The following CNTNAP3B variants were observed in gnomAD, a reference collection of about 807,000 sequenced individuals.
CNTNAP3B encodes contactin associated protein family member 3B.
In CNTNAP3B, 25 loss-of-function variants were observed where a neutral mutation model predicts 108.9. That is an observed-to-expected ratio of 0.23 (90% CI 0.17 to 0.32). The LOEUF is 0.32. CNTNAP3B is among the 10% of genes least tolerant of loss of function. The pLI is 1.00. For missense variants in CNTNAP3B, 252 were observed against 1,210.4 expected (o/e 0.21, Z 11.75); for synonymous variants, 103 against 473.4 (o/e 0.22, Z 10.16).
At position 42,112,168 on chromosome 9, in the gene CNTNAP3B, G is replaced by A. The variant is rs191493827; in HGVS notation, c.86-7429C>T. Among the ~76,000 whole-genome samples, 7 of 139,954 alleles carry A rather than the reference G, an allele frequency of 5.0e-5. 1 individual carries two copies. Among genetic ancestry groups the A allele is most frequent in the African/African-American group, 1.4e-4 (5 of 35,446 alleles). 91.8% of individuals were successfully genotyped at this position (139,954 alleles called of 152,430 possible). A position where few individuals can be genotyped will look rare whatever the true frequency, so the allele number is the denominator to read the frequency against. On this transcript the variant is annotated intron_variant, in intron 1 of 23. Coordinates refer to ENST00000377561, the MANE Select transcript of CNTNAP3B (RefSeq NM_001201380.3). ...ATGCATGCACCAATGCTCCTTGACC[G>A]CTCACCCGATGACATTGCAGCCCCT... is the stretch of plus-strand genomic sequence containing the variant.
Position 42,116,884 on chromosome 9 carries a change from G to C in CNTNAP3B, c.85+12126C>G, listed in dbSNP as rs1446279176. On this transcript the variant is annotated intron_variant, in intron 1 of 23. Coordinates refer to ENST00000377561, the MANE Select transcript of CNTNAP3B (RefSeq NM_001201380.3). ...AGCAGGGGTTGGAATCCTAGTCTCT[G>C]ATAAAACAGACTTTAAACCAACAAA... Among the ~76,000 whole-genome samples, 3 of 137,772 alleles carry C rather than the reference G, an allele frequency of 2.2e-5. 1 individual carries two copies. Among genetic ancestry groups the C allele is most frequent in the African/African-American group, 8.7e-5 (3 of 34,392 alleles). 90.4% of individuals were successfully genotyped at this position (137,772 alleles called of 152,430 possible). A position where few individuals can be genotyped will look rare whatever the true frequency, so the allele number is the denominator to read the frequency against.
rs71288160 is a variant in CNTNAP3B at position 41,977,786 on chromosome 9, A to ATTTTT, written c.1478-7546_1478-7542dup. The stretch of plus-strand genomic sequence containing the variant: ...AGGCGCCCACCACCATGCCCAGCTA[A>ATTTTT]TTTTTTTTTTTTTTTTTTGTATTTT... On this transcript the variant is annotated intron_variant, in intron 9 of 23. Transcript: ENST00000377561. 9.9e-5 allele frequency among the ~76,000 whole-genome samples: 9 copies of ATTTTT among 90,532 alleles called. No individual in the cohort carries two copies. The South Asian group carries it at 1.2e-3, about 12-fold the overall frequency. The allele number at this position is 90,532 out of a possible 152,430, so 59.4% of individuals were successfully genotyped here.
At chr9:42,054,821 CTGT>C (rs1332543541) in intron 3 of CNTNAP3B, among the ~76,000 whole-genome samples, 4 of 150,808 alleles carry the variant, frequency 2.7e-5, no homozygotes, top group Non-Finnish European at 4.4e-5. Flanking sequence ...TTTGTAGCCG[CTGT>C]TGTTGTTTTT....
chr9:42,112,746 C>A (rs2118717956), intron 1 of CNTNAP3B, among the ~76,000 whole-genome samples: 1 of 137,054 alleles, frequency 7.3e-6, no homozygotes, highest in South Asian at 2.4e-4. Flanking sequence ...TGACTTACAG[C>A]ACTACAAATA....
At chr9:41,928,472 T>C (rs1203008289) in intron 15 of CNTNAP3B, among the ~76,000 whole-genome samples, 1 of 151,928 alleles carries the variant, frequency 6.6e-6, no homozygotes, top group African/African-American at 2.4e-5. Flanking sequence ...ATAGTGATGT[T>C]GTGTTCTCTT....
At chr9:41,972,936 CTTTT>C (rs1212724871) in intron 9 of CNTNAP3B, among the ~76,000 whole-genome samples, 1 of 47,794 alleles carries the variant, frequency 2.1e-5, no homozygotes, top group Non-Finnish European at 4.4e-5. Flanking sequence ...CTTAGGTTAT[CTTTT>C]TTTTTTTTTT....
intron 13 of CNTNAP3B, among the ~76,000 whole-genome samples, chr9:41,947,490 A>G (rs1433682814): frequency 4.1e-4 from 63 of 152,324 alleles, no homozygotes; most frequent in African/African-American, 1.5e-3. Flanking sequence ...ATGAAAAACT[A>G]AATGAAAATG....
At chr9:42,126,127 C>CTT (rs1487905991) in intron 1 of CNTNAP3B, among the ~76,000 whole-genome samples, 1 of 132,898 alleles carries the variant, frequency 7.5e-6, no homozygotes, top group Non-Finnish European at 1.6e-5. Context: ...CTATAGTAGG[C>CTT]TTACCCTTCT....
At position 41,942,542 on chromosome 9, in the gene CNTNAP3B, C is replaced by T. The variant is rs1369158446; in HGVS notation, c.2081-4142G>A. On this transcript the variant is annotated intron_variant, in intron 13 of 23. Transcript: ENST00000377561. ...GGGAGAATGGCGTGAACCCGGGAGA[C>T]GGAGCTTGCAGTCAGCTGAGATGGC... Among the ~76,000 whole-genome samples the T allele has an allele frequency of 7.3e-5, 11 of 150,240 alleles. No individual in the cohort carries two copies. In the South Asian group the frequency reaches 1.5e-3, roughly 20 times the overall value.
At chr9:42,118,722 G>C (rs1828381705) in intron 1 of CNTNAP3B, among the ~76,000 whole-genome samples, 1 of 114,976 alleles carries the variant, frequency 8.7e-6, no homozygotes, top group Admixed American at 9.1e-5. Context: ...ATTAGGAAAA[G>C]AGGAAGTCAA....
Position 42,089,167 on chromosome 9 carries a change from G to A in CNTNAP3B, c.197-12105C>T, listed in dbSNP as rs1284521783. On this transcript the variant is annotated intron_variant, in intron 2 of 23. Transcript: ENST00000377561. ...AGGGAAAGGGAAAAAGGGTGAAAGG[G>A]GGAAAGGAGAAAGAAGGGGAAAGAA... Among the ~76,000 whole-genome samples, 33 of 105,600 alleles carry A rather than the reference G, an allele frequency of 3.1e-4. 2 individuals are homozygous for A. Among genetic ancestry groups the A allele is most frequent in the African/African-American group, 1.2e-3 (31 of 25,646 alleles). The allele number at this position is 105,600 out of a possible 152,430, so 69.3% of individuals were successfully genotyped here.
intron 15 of CNTNAP3B, among the ~76,000 whole-genome samples, chr9:41,928,327 G>A (rs1463523214): frequency 2.0e-5 from 3 of 152,150 alleles, no homozygotes; most frequent in African/African-American, 4.8e-5. Context: ...CAATCCATTG[G>A]CCCAGGTGGA....
At chr9:41,942,833 T>C (rs548790083) in intron 13 of CNTNAP3B, among the ~76,000 whole-genome samples, 10 of 151,946 alleles carry the variant, frequency 6.6e-5, no homozygotes, top group African/African-American at 1.9e-4. Context: ...TTTTGGCCTC[T>C]GACACAACAG....
chr9:41,956,317 T>A (rs1002573880), intron 12 of CNTNAP3B, among the ~76,000 whole-genome samples: 1 of 151,400 alleles, frequency 6.6e-6, no homozygotes, highest in African/African-American at 2.4e-5. Flanking sequence ...ACCCGGGAGG[T>A]GGAGGTTGCA....
At chr9:42,094,771 G>A (rs1564194258) in intron 2 of CNTNAP3B, among the ~76,000 whole-genome samples, 1 of 115,904 alleles carries the variant, frequency 8.6e-6, no homozygotes, top group African/African-American at 3.3e-5. Context: ...AGGGAAGACA[G>A]AGAAAGAAAA....
intron 13 of CNTNAP3B, among the ~76,000 whole-genome samples, chr9:41,943,343 T>A (rs1587128962): frequency 7.2e-6 from 1 of 138,608 alleles, no homozygotes. Flanking sequence ...TGTTGGACAA[T>A]AATTTTTTTT....
chr9:41,934,102 T>TATATATATATATATATATATATACAC (rs1824068141), intron 14 of CNTNAP3B, among the ~76,000 whole-genome samples: 2 of 129,700 alleles, frequency 1.5e-5, no homozygotes, highest in African/African-American at 6.3e-5. Context: ...ATTTGTTACA[T>TATATATATATATATATATATATACAC]ATATATATAT....
chr9:42,109,467 A>T (rs1828146042), intron 1 of CNTNAP3B, among the ~76,000 whole-genome samples: 1 of 147,878 alleles, frequency 6.8e-6, no homozygotes, highest in African/African-American at 2.6e-5. Context: ...TGCATGGATA[A>T]TACATGGACA....
chr9:41,934,509 C>T (rs1452134669), intron 14 of CNTNAP3B, among the ~76,000 whole-genome samples: 19 of 152,244 alleles, frequency 1.2e-4, no homozygotes, highest in East Asian at 1.9e-4. Context: ...GCGTGAGCCA[C>T]GGCGCCCTGC....
Sources: gnomAD v4.1 joint callset for allele counts (sites outside exome capture counted in the v4.1 genomes callset) on GRCh38, gnomAD v4.1.1 for gene constraint, MANE v1.5 for transcripts, NCBI Gene and HGNC (gene_info 2026-07-23, HGNC 2026-07-21) for gene names.